The following SLC4A7 variants were observed in gnomAD, a reference collection of about 807,000 sequenced individuals.
SLC4A7 encodes the protein sodium bicarbonate cotransporter 3.
Under a neutral mutation model 137.6 loss-of-function variants are expected in SLC4A7, and 51 were observed. The observed-to-expected ratio is 0.37, with a 90% confidence interval of 0.30 to 0.47. SLC4A7 has a LOEUF of 0.47. SLC4A7 is among the 20% of genes least tolerant of loss of function. SLC4A7 has a pLI of 1.00. For missense variants in SLC4A7, 1,247 were observed against 1,525.4 expected, an observed-to-expected ratio of 0.82 and a Z score of 3.04; for synonymous variants, 542 against 518.6, an observed-to-expected ratio of 1.05 and a Z score of -0.61.
At chr3:27,398,477 A>G (rs564674183) in intron 16 of SLC4A7, 124 bp from the exon 17 acceptor site, 14 of 746,592 alleles carry the variant, frequency 1.9e-5, no homozygotes, top group Non-Finnish European at 2.5e-5. Flanking sequence ...TGTATTCCTT[A>G]TAAAGAAAAA....
chr3:27,431,741 A>C, intron 6 of SLC4A7, 72 bp from the exon 7 acceptor site: 3 of 1,439,472 alleles, frequency 2.1e-6, no homozygotes, highest in Non-Finnish European at 2.8e-6. Flanking sequence ...TTAAAAAAAA[A>C]TCAATTTACA....
chr3:27,423,908 C>T, intron 8 of SLC4A7, 129 bp downstream of exon 8: 1 of 594,422 alleles, frequency 1.7e-6, no homozygotes. Flanking sequence ...ACAGACATCA[C>T]ATGCAGGTTT....
At chr3:27,423,673 C>A in intron 8 of SLC4A7, 1 of 176,470 alleles carries the variant, frequency 5.7e-6, no homozygotes, top group South Asian at 1.3e-4. Flanking sequence ...GCTGTAACAT[C>A]ACTCCCAGAA....
chr3:27,470,256 G>C (rs1427109941), intron 1 of SLC4A7, among the ~76,000 whole-genome samples: 1 of 151,458 alleles, frequency 6.6e-6, no homozygotes, highest in East Asian at 1.9e-4. Context: ...GAGCTTAAAG[G>C]CTTAAGCAGT....
intron 11 of SLC4A7, among the ~76,000 whole-genome samples, chr3:27,418,097 A>G (rs1415769681): frequency 6.6e-6 from 1 of 152,204 alleles, no homozygotes; most frequent in Non-Finnish European, 1.5e-5. Context: ...CCAGGAATAG[A>G]ATAAATTATG....
At position 27,484,137 on chromosome 3, in the gene SLC4A7, C is replaced by T; in HGVS notation, c.-11G>A. ...CCCATCAGCCTCCATGGCCGGCCGG[C>T]CAGCCCGTGACGGCCGCTACGGTAC... On this transcript the variant is annotated 5_prime_UTR_variant, in exon 1 of 26. Coordinates refer to ENST00000454389, the MANE Select transcript of SLC4A7 (RefSeq NM_001321103.2). 7.3e-7 allele frequency: 1 copy of T among 1,370,020 alleles called. No homozygotes were observed. Among genetic ancestry groups the T allele is most frequent in the Non-Finnish European group, 9.5e-7 (1 of 1,057,958 alleles). The allele number at this position is 1,370,020 out of a possible 1,614,324, so 84.9% of individuals were successfully genotyped here.
rs115889125 is a variant in SLC4A7, at chr3:27,422,665, A to T, written c.1267-886T>A. Reference sequence around the variant, plus strand: ...AATTTAGCTTTCTGTGTATAATTACAAGGAAAAGGTTACACATGATACCAA... The same window carrying T: ...AATTTAGCTTTCTGTGTATAATTACTAGGAAAAGGTTACACATGATACCAA... On this transcript the variant is annotated intron_variant, in intron 8 of 25. Coordinates refer to ENST00000454389, the MANE Select transcript of SLC4A7 (RefSeq NM_001321103.2). 6.9e-4 allele frequency: 261 copies of T among 379,732 alleles called. 1 individual carries two copies. Among genetic ancestry groups the T allele is most frequent in the Non-Finnish European group, 1.3e-3 (237 of 184,800 alleles). The allele number at this position is 379,732 out of a possible 1,614,324, so 23.5% of individuals were successfully genotyped here. A position where few individuals can be genotyped will look rare whatever the true frequency, so the allele number is the denominator to read the frequency against.
At chr3:27,419,632 G>A (rs141670719) in intron 10 of SLC4A7, among the ~76,000 whole-genome samples, 2,023 of 150,728 alleles carry the variant, frequency 0.013, 43 homozygotes, top group African/African-American at 0.046. Flanking sequence ...CACTGCGCCC[G>A]GCCAAAAGTT....
Position 27,394,220 on chromosome 3 carries a change from T to C in SLC4A7, c.3117+298A>G, listed in dbSNP as rs548612825. 5.9e-5 allele frequency among the ~76,000 whole-genome samples: 9 copies of C among 152,276 alleles called. No homozygotes were observed. In the East Asian group the frequency reaches 1.7e-3, roughly 29 times the overall value. On this transcript the variant is annotated intron_variant, in intron 20 of 25. Coordinates refer to ENST00000454389, the MANE Select transcript of SLC4A7 (RefSeq NM_001321103.2). ...TTTTTATAGAGACAGGGTCTCATTA[T>C]GTTGCCCAGGCTGGTCTTGAACACC...
chr3:27,392,986 T>C (rs57969756), intron 20 of SLC4A7, among the ~76,000 whole-genome samples: 4,674 of 152,122 alleles, frequency 0.031, 251 homozygotes, highest in African/African-American at 0.11. Flanking sequence ...AAAATTTTCT[T>C]TAATAGCAAG....
In SLC4A7 at chr3:27,484,216, C is replaced by G. The variant is rs982977278; in HGVS notation, c.-90G>C. ...GCTGCCCCTGCCGCCGCCGCCGAGC[C>G]CCCGGCGCGCGAGGACAAACGTGGG... On this transcript the variant is annotated 5_prime_UTR_variant, in exon 1 of 26. Transcript: ENST00000454389. The G allele has an allele frequency of 3.7e-5, 41 of 1,108,658 alleles. No individual in the cohort carries two copies. Among genetic ancestry groups the G allele is most frequent in the Non-Finnish European group, 4.4e-5 (39 of 877,542 alleles). The allele number at this position is 1,108,658 out of a possible 1,614,324, so 68.7% of individuals were successfully genotyped here.
intron 2 of SLC4A7, among the ~76,000 whole-genome samples, chr3:27,451,955 T>G (rs1014176332): frequency 6.6e-6 from 1 of 152,160 alleles, no homozygotes; most frequent in Admixed American, 6.5e-5. Context: ...GACTTCTTCC[T>G]GTCTAAGGAA....
In SLC4A7 at chr3:27,374,468, A is replaced by G. The variant is rs2049768093; in HGVS notation, c.*2296T>C. 1 of 152,486 alleles carries G rather than the reference A, an allele frequency of 6.6e-6. No individual in the cohort carries two copies. Among genetic ancestry groups the G allele is most frequent in the Non-Finnish European group, 1.5e-5 (1 of 67,932 alleles). The allele number at this position is 152,486 out of a possible 1,614,324, so 9.4% of individuals were successfully genotyped here. On this transcript the variant is annotated 3_prime_UTR_variant, in exon 26 of 26. Transcript: ENST00000454389. ...CTCTCAATGAATGCTATCTTTGATT[A>G]TTTTTCAAAAACAGTGGAAGAAATA...
At chr3:27,386,544 G>C (rs1197212907) in intron 22 of SLC4A7, among the ~76,000 whole-genome samples, 4 of 151,944 alleles carry the variant, frequency 2.6e-5, no homozygotes, top group Non-Finnish European at 5.9e-5. Flanking sequence ...TTCTGTACCT[G>C]CTATTTCCTA....
intron 15 of SLC4A7, chr3:27,401,092 G>A (rs1033968164): frequency 5.5e-6 from 2 of 366,478 alleles, no homozygotes; most frequent in Non-Finnish European, 4.9e-6. Context: ...TTTAGTTAAT[G>A]AAGCTAGTTA....
chr3:27,462,578 T>G (rs1338214088), intron 1 of SLC4A7: 1 of 152,872 alleles, frequency 6.5e-6, no homozygotes, highest in Non-Finnish European at 1.5e-5. Context: ...GAAGATGATG[T>G]GTGCTGGCTT....
Position 27,430,708 on chromosome 3 carries a change from G to A in SLC4A7, c.1150+590C>T, listed in dbSNP as rs147362796. Among the ~76,000 whole-genome samples, 54 of 151,554 alleles carry A rather than the reference G, an allele frequency of 3.6e-4. 2 individuals are homozygous for A. The East Asian group carries it at 0.01, about 28-fold the overall frequency. On this transcript the variant is annotated intron_variant, in intron 7 of 25. Transcript: ENST00000454389. ...TAGCCAGACGTGGTGGCTCAGTCCT[G>A]TAGTCCCAGCTACTCAGGAGGCTGA...
chr3:27,430,815 G>C (rs1193480980), intron 7 of SLC4A7, among the ~76,000 whole-genome samples: 5 of 152,194 alleles, frequency 3.3e-5, no homozygotes, highest in African/African-American at 1.2e-4. Flanking sequence ...CTGGGCAACA[G>C]AGTGAGACTC....
At chr3:27,464,823 C>G (rs895224283) in intron 1 of SLC4A7, among the ~76,000 whole-genome samples, 8 of 152,088 alleles carry the variant, frequency 5.3e-5, no homozygotes, top group Non-Finnish European at 8.8e-5. Flanking sequence ...GCGAAAAGTT[C>G]GCGCCATTTG....
Sources: allele counts gnomAD v4.1 joint callset (sites outside exome capture counted in the v4.1 genomes callset), GRCh38; gene constraint gnomAD v4.1.1; transcripts MANE v1.5; gene names NCBI Gene and HGNC (gene_info 2026-07-23, HGNC 2026-07-21).